CHD3: variants seen among roughly 807,000 people sequenced by gnomAD.
The protein encoded by CHD3 is chromodomain helicase DNA binding protein 3, also known as ATP-dependent chromatin remodeler CHD3.
A neutral mutation model predicts 248.9 loss-of-function variants in CHD3; 52 were observed. That is an observed-to-expected ratio of 0.21 (90% CI 0.17 to 0.26). CHD3 has a LOEUF of 0.26. CHD3 is among the 10% of genes least tolerant of loss of function. The pLI, the probability that CHD3 is intolerant of heterozygous loss-of-function variation, is 1.00. For missense variants in CHD3, 1,482 were observed against 2,605.8 expected (o/e 0.57, Z 9.39); for synonymous variants, 985 against 985.2 (o/e 1.00, Z 0.00).
rs965022785 is a variant in CHD3 at position 7,897,453 on chromosome 17, G to A, written c.1919+159G>A. 7.9e-5 allele frequency among the ~76,000 whole-genome samples: 12 copies of A among 152,186 alleles called. No individual in the cohort carries two copies. Among genetic ancestry groups the A allele is most frequent in the African/African-American group, 2.9e-4 (12 of 41,424 alleles). ...CTTTCTGGCCTTGTTTCCTCCAGGG[G>A]AACGGGAGAAAACAGGAGGAAAATC... On this transcript the variant is annotated intron_variant, in intron 11 of 39. Transcript: ENST00000330494. The surrounding 1 kb of genome is among the most constrained non-coding windows in gnomAD (Gnocchi z 4.8).
Position 7,907,518 on chromosome 17 carries a change from G to A in CHD3, c.4924+30G>A, listed in dbSNP as rs181583634. 157 of 1,541,362 alleles carry A rather than the reference G, an allele frequency of 1.0e-4. No homozygotes were observed. In the African/African-American group the frequency reaches 2.0e-3, roughly 20 times the overall value. On this transcript the variant is annotated intron_variant, in intron 32 of 39. Coordinates refer to ENST00000330494, the MANE Select transcript of CHD3 (RefSeq NM_001005273.3). The surrounding 1 kb of genome is among the most constrained non-coding windows in gnomAD (Gnocchi z 4.3). Reference sequence around the variant, plus strand: ...GTGCATGGCCTTAGGAGTGATGGGGGATTAGAATTTGGGATTTCCCTCTTC... The same window carrying A: ...GTGCATGGCCTTAGGAGTGATGGGGAATTAGAATTTGGGATTTCCCTCTTC...
rs756565340 is a variant in CHD3, at chr17:7,907,241, G to A, written c.4782G>A (p.Glu1594=). The change falls in exon 31 of 40, where the codon GAG becomes GAA. Residue 1594 remains glutamate, a synonymous_variant. Coordinates refer to ENST00000330494, the MANE Select transcript of CHD3 (RefSeq NM_001005273.3). The surrounding 1 kb of genome is among the most constrained non-coding windows in gnomAD (Gnocchi z 4.3). ...ACAGCAGAATTGGGGAGAAGATGGA[G>A]ACAGAGGTGTGTGGCTCCCTGGATT... ...EKNSRIGEKM[E]TEADAPSPAP... is the part of the protein sequence containing the mutation. 1 of 1,614,232 alleles carries A rather than the reference G, an allele frequency of 6.2e-7. No individual in the cohort carries two copies. The highest frequency in any genetic ancestry group is 1.3e-5 in the African/African-American group (1 of 75,072).
Position 7,906,377 on chromosome 17 carries a change from G to C in CHD3, c.4359-176G>C. 1 of 700,126 alleles carries C rather than the reference G, an allele frequency of 1.4e-6. No individual in the cohort carries two copies. Among genetic ancestry groups the C allele is most frequent in the African/African-American group, 1.8e-5 (1 of 56,434 alleles). 43.4% of individuals were successfully genotyped at this position (700,126 alleles called of 1,614,324 possible). A position where few individuals can be genotyped will look rare whatever the true frequency, so the allele number is the denominator to read the frequency against. ...AAAGACCCAGGGGTGGGGCGCAGGG[G>C]GACAGTTAGGACTTGGAGGGCTGGT... On this transcript the variant is annotated intron_variant, in intron 28 of 39. Transcript: ENST00000330494. This position sits in a 1 kb window ranked among gnomAD's most constrained non-coding sequence, Gnocchi z 5.0.
In CHD3 at chr17:7,900,986, C is replaced by G; in HGVS notation, c.3113C>G (p.Ala1038Gly). The G allele has an allele frequency of 1.9e-6, 3 of 1,613,852 alleles. No homozygotes were observed. Among genetic ancestry groups the G allele is most frequent in the Non-Finnish European group, 2.5e-6 (3 of 1,179,914 alleles). Residue 1038 changes from alanine (A) to glycine (G), a missense_variant, in exon 19 of 40, where the codon GCT becomes GGT. By Grantham distance (60) the Ala-to-Gly change is moderately conservative. Around this residue, in one of 20 missense-constraint regions of CHD3, gnomAD observed 31 missense variants for 53.9 expected, o/e 0.58. Coordinates refer to ENST00000330494, the MANE Select transcript of CHD3 (RefSeq NM_001005273.3). This position sits in a 1 kb window ranked among gnomAD's most constrained non-coding sequence, Gnocchi z 6.5. Reference protein sequence around the residue: ...CCNHPYLFPVAAMESPKLPSG... With the variant: ...CCNHPYLFPVGAMESPKLPSG... ...AACCATCCATACCTTTTTCCCGTGG[C>G]TGCTATGGTAGATACACAGAGCAGG...
chr17:7,899,463 A>G lies in CHD3; in HGVS notation c.2464A>G (p.Ser822Gly). The G allele has an allele frequency of 6.2e-7, 1 of 1,614,202 alleles. No homozygotes were observed. The highest frequency in any genetic ancestry group is 8.5e-7 in the Non-Finnish European group (1 of 1,180,032). The change falls in exon 15 of 40, where the codon AGC becomes GGC. Residue 822 changes from serine (S) to glycine (G), a missense_variant. Physicochemically the swap from Ser to Gly is moderately conservative, Grantham distance 56. Coordinates refer to ENST00000330494, the MANE Select transcript of CHD3 (RefSeq NM_001005273.3). This position sits in a 1 kb window ranked among gnomAD's most constrained non-coding sequence, Gnocchi z 6.8. ...YVVTYTGDKD[S>G]RAIIRENEFS... ...GGTGACATACACGGGTGACAAGGAC[A>G]GCCGGGCCATCATTCGTGAGAATGA...
intron 20 of CHD3, among the ~76,000 whole-genome samples, chr17:7,902,313 T>C (rs1567859433): frequency 6.6e-6 from 1 of 151,778 alleles, no homozygotes; most frequent in Non-Finnish European, 1.5e-5. Context: ...TCCCAGCTAC[T>C]AGGGAGGCTG....
At position 7,910,838 on chromosome 17, in the gene CHD3, C is replaced by A. The variant is rs1314273191; in HGVS notation, c.5755-9C>A. ...ACTAACTCCAACTTCTGCTTCCTCTCTGTTCCAGGCCTACCCGCCGGGTCC... is the reference window on the plus strand; with the variant it reads ...ACTAACTCCAACTTCTGCTTCCTCTATGTTCCAGGCCTACCCGCCGGGTCC... On this transcript the variant is annotated splice_polypyrimidine_tract_variant and intron_variant, in intron 38 of 39. Transcript: ENST00000330494. The surrounding 1 kb of genome is among the most constrained non-coding windows in gnomAD (Gnocchi z 4.7). 5.0e-6 allele frequency: 8 copies of A among 1,587,558 alleles called. No homozygotes were observed. The South Asian group carries it at 9.2e-5, about 18-fold the overall frequency.
intron 20 of CHD3, 28 bp downstream of exon 20, chr17:7,901,403 A>C (rs1970282712): frequency 6.5e-7 from 1 of 1,546,666 alleles, no homozygotes; most frequent in Non-Finnish European, 8.8e-7. Context: ...CTGTCTTTAC[A>C]TCTGCTTCCT....
In CHD3 at chr17:7,894,278, G is replaced by T; in HGVS notation, c.1075+13G>T. 6.2e-7 allele frequency: 1 copy of T among 1,612,454 alleles called. No homozygotes were observed. The highest frequency in any genetic ancestry group is 1.1e-5 in the South Asian group (1 of 90,866). ...AAGAAGAAGAAGGGTAAGGAGTGTTGACTGTGTGTGATCCTGTCAGTGGGC... is the reference window on the plus strand; with the variant it reads ...AAGAAGAAGAAGGGTAAGGAGTGTTTACTGTGTGTGATCCTGTCAGTGGGC... On this transcript the variant is annotated intron_variant, in intron 7 of 39. Transcript: ENST00000330494.
chr17:7,887,846 T>C (rs1240609692), upstream of CHD3, among the ~76,000 whole-genome samples: 1 of 152,220 alleles, frequency 6.6e-6, no homozygotes, highest in Non-Finnish European at 1.5e-5. Flanking sequence ...AGACCGAGGT[T>C]GGGACTTAGA....
At chr17:7,892,976 C>G (rs545792526) in intron 4 of CHD3, among the ~76,000 whole-genome samples, 1 of 152,152 alleles carries the variant, frequency 6.6e-6, no homozygotes, top group African/African-American at 2.4e-5. Flanking sequence ...GAGACAGGAT[C>G]TCACTTTGTT....
chr17:7,905,361 A>G lies in CHD3; in HGVS notation c.4138+196A>G. On this transcript the variant is annotated intron_variant, in intron 26 of 39. Coordinates refer to ENST00000330494, the MANE Select transcript of CHD3 (RefSeq NM_001005273.3). This position sits in a 1 kb window ranked among gnomAD's most constrained non-coding sequence, Gnocchi z 5.8. ...CGGTGTGTGTGACCACATAGGCTAGATCCAGAAAGGCCATATCATTTTCCA... is the reference window on the plus strand; with the variant it reads ...CGGTGTGTGTGACCACATAGGCTAGGTCCAGAAAGGCCATATCATTTTCCA... 1 of 628,414 alleles carries G rather than the reference A, an allele frequency of 1.6e-6. No individual in the cohort carries two copies. Among genetic ancestry groups the G allele is most frequent in the South Asian group, 1.9e-5 (1 of 51,562 alleles). The allele number at this position is 628,414 out of a possible 1,614,324, so 38.9% of individuals were successfully genotyped here. A position where few individuals can be genotyped will look rare whatever the true frequency, so the allele number is the denominator to read the frequency against.
rs752833740 is a variant in CHD3, at chr17:7,895,345, G to A, written c.1510G>A (p.Val504Met). 1.1e-5 allele frequency: 18 copies of A among 1,614,060 alleles called. No individual in the cohort carries two copies. The highest frequency in any genetic ancestry group is 1.7e-5 in the Admixed American group (1 of 60,002). Residue 504 changes from valine to methionine, a missense_variant, in exon 10 of 40, where the codon GTG becomes ATG. Transcript: ENST00000330494. The surrounding 1 kb of genome is among the most constrained non-coding windows in gnomAD (Gnocchi z 4.9). ...GTACGTGTCCATCCCAAAGTGCCCCGTGCTGAAGGGTCGAGTGCAGAAGAT... is the reference window on the plus strand; with the variant it reads ...GTACGTGTCCATCCCAAAGTGCCCCATGCTGAAGGGTCGAGTGCAGAAGAT... The part of the protein sequence containing the change: ...EWLCPRCTCP[V>M]LKGRVQKILH...
chr17:7,905,538 A>T lies in CHD3; in HGVS notation c.4139-83A>T, dbSNP rs796191267. 9.8e-6 allele frequency: 10 copies of T among 1,024,360 alleles called. No individual in the cohort carries two copies. The African/African-American group carries it at 1.3e-4, about 13-fold the overall frequency. 63.5% of individuals were successfully genotyped at this position (1,024,360 alleles called of 1,614,324 possible). A position where few individuals can be genotyped will look rare whatever the true frequency, so the allele number is the denominator to read the frequency against. On this transcript the variant is annotated intron_variant, in intron 26 of 39. Transcript: ENST00000330494. This position sits in a 1 kb window ranked among gnomAD's most constrained non-coding sequence, Gnocchi z 5.8. Reference sequence around the variant, plus strand: ...TGACAGGAATGTTCCTGTGTTGTGTATCTTGTGGGAATGGGGTGCTAAGGA... The same window carrying T: ...TGACAGGAATGTTCCTGTGTTGTGTTTCTTGTGGGAATGGGGTGCTAAGGA...
At position 7,905,238 on chromosome 17, in the gene CHD3, T is replaced by C; in HGVS notation, c.4138+73T>C. 3 of 1,398,882 alleles carry C rather than the reference T, an allele frequency of 2.1e-6. No homozygotes were observed. Among genetic ancestry groups the C allele is most frequent in the African/African-American group, 1.4e-5 (1 of 70,740 alleles). 86.7% of individuals were successfully genotyped at this position (1,398,882 alleles called of 1,614,324 possible). A position where few individuals can be genotyped will look rare whatever the true frequency, so the allele number is the denominator to read the frequency against. On this transcript the variant is annotated intron_variant, in intron 26 of 39. Coordinates refer to ENST00000330494, the MANE Select transcript of CHD3 (RefSeq NM_001005273.3). This position sits in a 1 kb window ranked among gnomAD's most constrained non-coding sequence, Gnocchi z 5.8. Reference sequence around the variant, plus strand: ...TCCAGTTTGCTTTAAGCCCACTGTTTTTATACAAGTAAAAAAGTCTTCGTG... The same window carrying C: ...TCCAGTTTGCTTTAAGCCCACTGTTCTTATACAAGTAAAAAAGTCTTCGTG...
chr17:7,901,043 T>G, intron 19 of CHD3, 50 bp downstream of exon 19: 1 of 1,594,172 alleles, frequency 6.3e-7, no homozygotes, highest in Non-Finnish European at 8.6e-7. Flanking sequence ...TCAGAAAACA[T>G]GGGTGGGGAG....
At position 7,903,238 on chromosome 17, in the gene CHD3, C is replaced by G; in HGVS notation, c.3496-34C>G. 2 of 1,608,276 alleles carry G rather than the reference C, an allele frequency of 1.2e-6. No homozygotes were observed. The highest frequency in any genetic ancestry group is 1.7e-6 in the Non-Finnish European group (2 of 1,176,014). ...GGGCAGCTTCTCCCCGGCCACTCCC[C>G]TGACCCACCCGCCACTTTCTCTTGC... On this transcript the variant is annotated intron_variant, in intron 22 of 39. Coordinates refer to ENST00000330494, the MANE Select transcript of CHD3 (RefSeq NM_001005273.3). The surrounding 1 kb of genome is among the most constrained non-coding windows in gnomAD (Gnocchi z 6.8).
Position 7,894,596 on chromosome 17 carries a change from C to T in CHD3, c.1257C>T (p.Ser419=), listed in dbSNP as rs1969379401. ...ELDRAPEGKW[S]CPHCEKEGVQ... Reference sequence around the variant, plus strand: ...ACCGGGCTCCAGAGGGCAAATGGAGCTGCCCTCACTGTGTGAGTACCTAAT... The same window carrying T: ...ACCGGGCTCCAGAGGGCAAATGGAGTTGCCCTCACTGTGTGAGTACCTAAT... The change falls in exon 8 of 40, where the codon AGC becomes AGT. Residue 419 remains serine, a synonymous_variant. Transcript: ENST00000330494. The T allele has an allele frequency of 6.2e-7, 1 of 1,612,696 alleles. No homozygotes were observed. Among genetic ancestry groups the T allele is most frequent in the Non-Finnish European group, 8.5e-7 (1 of 1,179,120 alleles).
At chr17:7,891,780 G>C (rs1010932349) in intron 4 of CHD3, among the ~76,000 whole-genome samples, 1 of 151,758 alleles carries the variant, frequency 6.6e-6, no homozygotes, top group African/African-American at 2.4e-5. Flanking sequence ...AGAATCGCTT[G>C]AACCCGGGAG....
Sources: allele counts gnomAD v4.1 joint callset (sites outside exome capture counted in the v4.1 genomes callset), GRCh38; gene constraint gnomAD v4.1.1; regional missense constraint gnomAD v4.1.1; non-coding constraint Gnocchi (gnomAD v3.1); transcripts MANE v1.5; gene names NCBI Gene and HGNC (gene_info 2026-07-23, HGNC 2026-07-21).